The following USH2A variants were observed in gnomAD, a reference collection of about 807,000 sequenced individuals.
USH2A encodes usherin, also known as Usher syndrome 2A (autosomal recessive, mild).
In USH2A, 443 loss-of-function variants were observed where a neutral mutation model predicts 538.9. That is an observed-to-expected ratio of 0.82 (90% CI 0.76 to 0.89). USH2A has a LOEUF of 0.89. Ranked by LOEUF, USH2A falls within the 40% of genes least tolerant of loss-of-function variation. The pLI is 0.00. For synonymous variants in USH2A, 2,413 were observed against 2,273.5 expected, an observed-to-expected ratio of 1.06 and a Z score of -1.75; for missense variants, 6,633 against 6,324.8, an observed-to-expected ratio of 1.05 and a Z score of -1.65.
chr1:216,350,982 G>A (rs2038270959), intron 4 of USH2A, among the ~76,000 whole-genome samples: 1 of 152,126 alleles, frequency 6.6e-6, no homozygotes, highest in Non-Finnish European at 1.5e-5. Context: ...TGAAATCTAG[G>A]CAGAGGCTCC....
At chr1:216,353,135 G>A (rs1249549213) in intron 4 of USH2A, among the ~76,000 whole-genome samples, 3 of 152,070 alleles carry the variant, frequency 2.0e-5, no homozygotes, top group Non-Finnish European at 4.4e-5. Context: ...AACTGGCCAT[G>A]AAACTTAAGT....
chr1:216,232,668 A>G (rs2035724201), intron 13 of USH2A, among the ~76,000 whole-genome samples: 1 of 152,010 alleles, frequency 6.6e-6, no homozygotes, highest in Non-Finnish European at 1.5e-5. Context: ...CACTTCTCTG[A>G]CCCCCTATAT....
In USH2A at chr1:216,174,451, G is replaced by C. The variant is rs41277222; in HGVS notation, c.4627+801C>G. 5.2e-4 allele frequency: 510 copies of C among 985,254 alleles called. 1 individual carries two copies. Among genetic ancestry groups the C allele is most frequent in the Middle Eastern group, 4.1e-3 (8 of 1,936 alleles). 61.0% of individuals were successfully genotyped at this position (985,254 alleles called of 1,614,324 possible). On this transcript the variant is annotated intron_variant, in intron 21 of 71. Coordinates refer to ENST00000307340, the MANE Select transcript of USH2A (RefSeq NM_206933.4). Reference sequence around the variant, plus strand: ...TCCAAAATATTGCGGTACTAGTAAGGCCAGGAGGAGGGTAAGGCCAGTGAG... The same window carrying C: ...TCCAAAATATTGCGGTACTAGTAAGCCCAGGAGGAGGGTAAGGCCAGTGAG...
chr1:216,395,832 T>C (rs1250917436), intron 3 of USH2A, among the ~76,000 whole-genome samples: 1 of 152,190 alleles, frequency 6.6e-6, no homozygotes, highest in Non-Finnish European at 1.5e-5. Context: ...GCACAACCAA[T>C]AATTATCCAG....
intron 9 of USH2A, among the ~76,000 whole-genome samples, chr1:216,318,610 G>T (rs867527446): frequency 1.4e-4 from 22 of 152,222 alleles, no homozygotes; most frequent in Middle Eastern, 3.4e-3. Flanking sequence ...AGTTTGCTAA[G>T]TAAATTATAT....
chr1:215,827,323 GGAA>G (rs1430444775), intron 47 of USH2A, among the ~76,000 whole-genome samples: 1 of 152,142 alleles, frequency 6.6e-6, no homozygotes, highest in Non-Finnish European at 1.5e-5. Flanking sequence ...TGAATTAGGA[GGAA>G]GAACTGGATT....
At chr1:215,789,452 T>C (rs2102769263) in intron 51 of USH2A, among the ~76,000 whole-genome samples, 1 of 152,298 alleles carries the variant, frequency 6.6e-6, no homozygotes, top group South Asian at 2.1e-4. Flanking sequence ...TTTCCTTAAA[T>C]TGATAGGCTT....
intron 30 of USH2A, among the ~76,000 whole-genome samples, chr1:216,063,333 C>T (rs1040991424): frequency 3.9e-5 from 6 of 152,196 alleles, no homozygotes; most frequent in African/African-American, 1.4e-4. Context: ...GGGAAATTCT[C>T]TGACTTTGAT....
At chr1:216,397,791 T>C (rs979374359) in intron 3 of USH2A, among the ~76,000 whole-genome samples, 1 of 152,220 alleles carries the variant, frequency 6.6e-6, no homozygotes, top group African/African-American at 2.4e-5. Flanking sequence ...AGACATAGTA[T>C]CACCTTCCTT....
intron 9 of USH2A, among the ~76,000 whole-genome samples, chr1:216,311,648 G>A (rs1053853794): frequency 1.3e-5 from 2 of 152,086 alleles, no homozygotes; most frequent in African/African-American, 4.8e-5. Flanking sequence ...GAAGTCATGG[G>A]GCGGAAGAGT....
Position 215,743,410 on chromosome 1 carries a change from G to A in USH2A, c.11390-75C>T, listed in dbSNP as rs376865242. On this transcript the variant is annotated intron_variant, in intron 58 of 71. Coordinates refer to ENST00000307340, the MANE Select transcript of USH2A (RefSeq NM_206933.4). ...TATGTGTGTGTGTGTGTGTGTGTGTGTGTGTGTATATATATATAGACACAC... is the reference window on the plus strand; with the variant it reads ...TATGTGTGTGTGTGTGTGTGTGTGTATGTGTGTATATATATATAGACACAC... 2.5e-3 allele frequency: 1,123 copies of A among 456,588 alleles called. 121 individuals are homozygous for A. Among genetic ancestry groups the A allele is most frequent in the East Asian group, 0.019 (357 of 18,772 alleles). 28.3% of individuals were successfully genotyped at this position (456,588 alleles called of 1,614,324 possible). A position where few individuals can be genotyped will look rare whatever the true frequency, so the allele number is the denominator to read the frequency against.
At position 215,696,193 on chromosome 1, in the gene USH2A, A is replaced by C. The variant is rs569174389; in HGVS notation, c.12067-15817T>G. 2.6e-5 allele frequency among the ~76,000 whole-genome samples: 4 copies of C among 152,308 alleles called. No individual in the cohort carries two copies. The South Asian group carries it at 8.3e-4, about 32-fold the overall frequency. On this transcript the variant is annotated intron_variant, in intron 61 of 71. Transcript: ENST00000307340. ...CTGCATTCTTACAATAAAGCAAGCTAGAGAAAAAGTTATTAAGAAAATCAT... is the reference window on the plus strand; with the variant it reads ...CTGCATTCTTACAATAAAGCAAGCTCGAGAAAAAGTTATTAAGAAAATCAT...
chr1:216,242,412 A>G (rs2035957626), intron 13 of USH2A, among the ~76,000 whole-genome samples: 1 of 151,642 alleles, frequency 6.6e-6, no homozygotes, highest in South Asian at 2.1e-4. Context: ...TTCCTTGTAC[A>G]TTGTGGGCAC....
rs372872385 is a variant in USH2A, at chr1:216,357,508, T to A, written c.784+7445A>T. Among the ~76,000 whole-genome samples the A allele has an allele frequency of 6.4e-4, 98 of 152,228 alleles. 1 individual carries two copies. The highest frequency in any genetic ancestry group is 2.3e-3 in the African/African-American group (97 of 41,564). ...AACTTTAGAATCAAGTACAAGCATA[T>A]GGGCTAAGACACACAACGTTGAAAA... On this transcript the variant is annotated intron_variant, in intron 4 of 71. Coordinates refer to ENST00000307340, the MANE Select transcript of USH2A (RefSeq NM_206933.4).
At chr1:216,290,840 G>A (rs1159430778) in intron 10 of USH2A, among the ~76,000 whole-genome samples, 3 of 152,070 alleles carry the variant, frequency 2.0e-5, no homozygotes, top group South Asian at 4.2e-4. Flanking sequence ...TACTGCTCAA[G>A]CTAGAATGTA....
chr1:215,791,024 A>G (rs1296113365), intron 50 of USH2A, among the ~76,000 whole-genome samples: 1 of 152,194 alleles, frequency 6.6e-6, no homozygotes, highest in Non-Finnish European at 1.5e-5. Context: ...CATCTAAACG[A>G]AAGACACACG....
chr1:215,990,839 G>A (rs1377432340), intron 35 of USH2A, among the ~76,000 whole-genome samples: 6 of 134,330 alleles, frequency 4.5e-5, no homozygotes, highest in African/African-American at 1.1e-4. Flanking sequence ...TCGGCTCACC[G>A]CAAGCTCCGC....
At chr1:216,160,462 G>C (rs954538867) in intron 21 of USH2A, among the ~76,000 whole-genome samples, 1 of 152,178 alleles carries the variant, frequency 6.6e-6, no homozygotes, top group Non-Finnish European at 1.5e-5. Flanking sequence ...ACAGTTGTCA[G>C]AGAACTTGAA....
intron 9 of USH2A, among the ~76,000 whole-genome samples, chr1:216,318,563 T>G (rs1275792205): frequency 1.3e-5 from 2 of 152,218 alleles, no homozygotes; most frequent in African/African-American, 2.4e-5. Flanking sequence ...TAACAGTCTA[T>G]TGACTTTTTC....
Sources: gnomAD v4.1 joint callset for allele counts (sites outside exome capture counted in the v4.1 genomes callset) on GRCh38, gnomAD v4.1.1 for gene constraint, MANE v1.5 for transcripts, NCBI Gene and HGNC (gene_info 2026-07-23, HGNC 2026-07-21) for gene names.